KRT84: variants seen among roughly 807,000 people sequenced by gnomAD.
KRT84 encodes keratin 84.
In KRT84, 38 loss-of-function variants were observed where a neutral mutation model predicts 49.0. The ratio of observed to expected loss-of-function variants is 0.78; its 90% CI spans 0.60 to 1.02. The LOEUF (loss-of-function observed/expected upper bound fraction) is 1.02. Ranked by LOEUF, KRT84 falls within the 50% of genes least tolerant of loss-of-function variation. The pLI, the probability that KRT84 is intolerant of heterozygous loss-of-function variation, is 0.00. For missense variants in KRT84, 860 were observed against 788.6 expected (o/e 1.09, Z -1.08); for synonymous variants, 334 against 312.8 (o/e 1.07, Z -0.72).
Position 52,381,382 on chromosome 12 carries a change from A to T in KRT84, c.1056T>A (p.Ala352=). 1.2e-6 allele frequency: 2 copies of T among 1,614,178 alleles called. No individual in the cohort carries two copies. Among genetic ancestry groups the T allele is most frequent in the Non-Finnish European group, 1.7e-6 (2 of 1,180,038 alleles). Residue 352 remains alanine (A), a synonymous_variant, in exon 5 of 9, where the codon GCT becomes GCA. Transcript: ENST00000257951. ...EEVARRSRAD[A]EAWYQTKYEE... is the part of the protein sequence containing the mutation. ...CCACCTTGGTCTGGTACCAGGCCTCAGCATCAGCCCGGCTGCGCCTGGCCA... is the reference window on the plus strand; with the variant it reads ...CCACCTTGGTCTGGTACCAGGCCTCTGCATCAGCCCGGCTGCGCCTGGCCA...
In KRT84 at chr12:52,385,207, C is replaced by T. The variant is rs1457750495; in HGVS notation, c.379G>A (p.Gly127Arg). The change falls in exon 1 of 9, where the codon GGA (glycine) becomes AGA (arginine). Residue 127 changes from glycine (G) to arginine (R), a missense_variant. Gly to Arg is a moderately radical substitution (Grantham distance 125). Coordinates refer to ENST00000257951, the MANE Select transcript of KRT84 (RefSeq NM_033045.4). ...GGGGCTGCTGGGACTCCAACCCCTCCAACTCTGTAACCAAAGCCAGGGCCA... is the reference window on the plus strand; with the variant it reads ...GGGGCTGCTGGGACTCCAACCCCTCTAACTCTGTAACCAAAGCCAGGGCCA... ...FGGPGFGYRV[G>R]GVGVPAAPSI... 1 of 1,613,122 alleles carries T rather than the reference C, an allele frequency of 6.2e-7. No individual in the cohort carries two copies.
intron 8 of KRT84, 148 bp downstream of exon 8, chr12:52,379,728 C>A: frequency 1.5e-6 from 1 of 688,260 alleles, no homozygotes; most frequent in South Asian, 1.6e-5. Flanking sequence ...GAAGATGCTC[C>A]CCATCCAGGG....
rs17714629 is a variant in KRT84 at position 52,379,618 on chromosome 12, A to G, written c.1456+258T>C. 6.2e-3 allele frequency among the ~76,000 whole-genome samples: 946 copies of G among 152,346 alleles called. 7 individuals are homozygous for G. Among genetic ancestry groups the G allele is most frequent in the South Asian group, 0.026 (127 of 4,818 alleles). On this transcript the variant is annotated intron_variant, in intron 8 of 8. Transcript: ENST00000257951. ...CTTGAAGGACAAGGCCGCTCAAAGCAAAAAAGCTGGCTGTCCTCCACTTTG... is the reference window on the plus strand; with the variant it reads ...CTTGAAGGACAAGGCCGCTCAAAGCGAAAAAGCTGGCTGTCCTCCACTTTG...
At position 52,383,689 on chromosome 12, in the gene KRT84, G is replaced by T. The variant is rs79144256; in HGVS notation, c.656C>A (p.Thr219Asn). The change falls in exon 2 of 9, where the codon ACC becomes AAC. Residue 219 changes from threonine (T) to asparagine (N), a missense_variant. Thr to Asn is a moderately conservative substitution (Grantham distance 65). Transcript: ENST00000257951. ...NLEPLFESYITNLRRQLEVLV... is the reference protein window; with the variant it reads ...NLEPLFESYINNLRRQLEVLV... ...CACCTCCAACTGCCTCCGCAGGTTG[G>T]TGATGTAGCTCTCGAAGAGTGGCTC... The T allele has an allele frequency of 6.2e-7, 1 of 1,614,204 alleles. No individual in the cohort carries two copies. The highest frequency in any genetic ancestry group is 8.5e-7 in the Non-Finnish European group (1 of 1,180,022).
chr12:52,385,045 C>T lies in KRT84; in HGVS notation c.541G>A (p.Asp181Asn). 6.2e-7 allele frequency: 1 copy of T among 1,606,466 alleles called. No homozygotes were observed. The highest frequency in any genetic ancestry group is 1.1e-5 in the South Asian group (1 of 89,340). The stretch of plus-strand genomic sequence containing the variant: ...GATTCAGCTATCATAGGTACCTTGT[C>T]AATGAAGGAGGCAAACTTGTTGTTG... ...TLNNKFASFI[D>N]KVRFLEQQNK... Residue 181 changes from aspartate to asparagine, a missense_variant, in exon 1 of 9, where the codon GAC becomes AAC. Asp to Asn is a conservative substitution (Grantham distance 23). Transcript: ENST00000257951.
At chr12:52,385,890 C>CT (rs925487567), upstream of KRT84, among the ~76,000 whole-genome samples, 36 of 152,178 alleles carry the variant, frequency 2.4e-4, no homozygotes, top group Middle Eastern at 6.8e-3. Context: ...ACATTATAGT[C>CT]TTTTTTTTCC....
intron 1 of KRT84, among the ~76,000 whole-genome samples, chr12:52,384,096 G>A (rs1939534079): frequency 6.6e-6 from 1 of 152,224 alleles, no homozygotes; most frequent in Admixed American, 6.5e-5. Context: ...TGGAAGGGTT[G>A]ATTCTATTTA....
rs1351242048 is a variant in KRT84 at position 52,385,121 on chromosome 12, G to A, written c.465C>T (p.Asp155=). Residue 155 remains aspartate (D), a synonymous_variant, in exon 1 of 9, where the codon GAC becomes GAT. Coordinates refer to ENST00000257951, the MANE Select transcript of KRT84 (RefSeq NM_033045.4). ...SLLTPLNLEI[D]PNAQRVKKDE... ...CCTTCTTCACCCTCTGGGCATTGGG[G>A]TCAATCTCCAGGTTGAGGGGGGTCA... The A allele has an allele frequency of 1.9e-6, 3 of 1,599,600 alleles. No individual in the cohort carries two copies. The highest frequency in any genetic ancestry group is 1.1e-5 in the South Asian group (1 of 87,992).
rs773974440 is a variant in KRT84 at position 52,378,048 on chromosome 12, G to T, written c.1789C>A (p.Arg597=). 1 of 1,474,060 alleles carries T rather than the reference G, an allele frequency of 6.8e-7. No homozygotes were observed. Among genetic ancestry groups the T allele is most frequent in the Non-Finnish European group, 9.0e-7 (1 of 1,114,514 alleles). The allele number at this position is 1,474,060 out of a possible 1,614,324, so 91.3% of individuals were successfully genotyped here. A position where few individuals can be genotyped will look rare whatever the true frequency, so the allele number is the denominator to read the frequency against. The stretch of plus-strand genomic sequence containing the variant: ...GGGCTGGGCTCTCAGTACTTGGTCC[G>T]GCAGGAGGTGGTGGTGGACACAAAG... ...VRFVSTTTSC[R]TKY is the part of the protein sequence containing the mutation. The change falls in exon 9 of 9, where the codon CGG becomes AGG. Residue 597 remains arginine (R), a synonymous_variant. Transcript: ENST00000257951.
Position 52,377,988 on chromosome 12 carries a change from G to A in KRT84, c.*46C>T, listed in dbSNP as rs758410466. On this transcript the variant is annotated 3_prime_UTR_variant, in exon 9 of 9. Coordinates refer to ENST00000257951, the MANE Select transcript of KRT84 (RefSeq NM_033045.4). ...AACCCTGGGGGCAGAAGCAGGAGCC[G>A]TGGAGCTGGTTCTTCTCTGGGCAGC... 4.5e-5 allele frequency: 61 copies of A among 1,346,808 alleles called. No individual in the cohort carries two copies. Among genetic ancestry groups the A allele is most frequent in the South Asian group, 3.9e-4 (21 of 53,268 alleles). 83.4% of individuals were successfully genotyped at this position (1,346,808 alleles called of 1,614,324 possible). A position where few individuals can be genotyped will look rare whatever the true frequency, so the allele number is the denominator to read the frequency against.
At position 52,378,207 on chromosome 12, in the gene KRT84, C is replaced by A; in HGVS notation, c.1630G>T (p.Gly544Trp). 1.3e-6 allele frequency: 2 copies of A among 1,574,934 alleles called. No homozygotes were observed. Among genetic ancestry groups the A allele is most frequent in the East Asian group, 4.6e-5 (2 of 43,076 alleles). Residue 544 changes from glycine to tryptophan, a missense_variant, in exon 9 of 9, where the codon GGG becomes TGG. Physicochemically the swap from Gly to Trp is radical, Grantham distance 184. Transcript: ENST00000257951. ...LGGARVAPATGDLLSTGTRSG... is the reference protein window; with the variant it reads ...LGGARVAPATWDLLSTGTRSG... The stretch of plus-strand genomic sequence containing the variant: ...CTTGTGCCAGTGCTCAGCAGGTCCC[C>A]AGTGGCCGGGGCGACCCGGGCTCCA...
intron 8 of KRT84, 68 bp downstream of exon 8, chr12:52,379,808 T>G: frequency 4.4e-6 from 6 of 1,357,164 alleles, no homozygotes; most frequent in South Asian, 1.2e-5. Flanking sequence ...GACCCCAGTG[T>G]GAGCCTGAGT....
At chr12:52,379,775 A>T in intron 8 of KRT84, 101 bp downstream of exon 8, 3 of 934,568 alleles carry the variant, frequency 3.2e-6, no homozygotes, top group Non-Finnish European at 5.2e-6. Context: ...TCGTGGCCAG[A>T]CCGGCCATGT....
chr12:52,382,350 GA>G lies in KRT84; in HGVS notation c.912+86del. 3.4e-6 allele frequency: 3 copies of G among 877,970 alleles called. No homozygotes were observed. In the South Asian group the frequency reaches 4.3e-5, roughly 13 times the overall value. 54.4% of individuals were successfully genotyped at this position (877,970 alleles called of 1,614,324 possible). On this transcript the variant is annotated intron_variant, in intron 4 of 8. Coordinates refer to ENST00000257951, the MANE Select transcript of KRT84 (RefSeq NM_033045.4). ...GAAAGATATATGATAGCAAATGTTT[GA>G]AAATATGCTAGCCCAGGCTAAGCAT... is the stretch of plus-strand genomic sequence containing the variant.
chr12:52,380,363 C>T lies in KRT84; in HGVS notation c.1424G>A (p.Arg475Gln), dbSNP rs191761110. ...YRRLLEGEESRLCEGVGPVNI... is the reference protein window; with the variant it reads ...YRRLLEGEESQLCEGVGPVNI... Reference sequence around the variant, plus strand: ...CTCCTGCTGGACTGAGAGTACTCACCGGCTCTCCTCGCCCTCCAGCAGGCG... The same window carrying T: ...CTCCTGCTGGACTGAGAGTACTCACTGGCTCTCCTCGCCCTCCAGCAGGCG... The change falls in exon 7 of 9, where the codon CGG becomes CAG. Residue 475 changes from arginine to glutamine, a missense_variant and splice_region_variant. Transcript: ENST00000257951. 3.2e-5 allele frequency: 52 copies of T among 1,613,816 alleles called. No individual in the cohort carries two copies. In the East Asian group the frequency reaches 6.5e-4, roughly 20 times the overall value.
chr12:52,383,843 G>T (rs1186961506), intron 1 of KRT84, 45 bp from the exon 2 acceptor site: 5 of 1,517,486 alleles, frequency 3.3e-6, no homozygotes, highest in Admixed American at 1.7e-5. Flanking sequence ...TGCTTGATAG[G>T]GTTCATGCCT....
At chr12:52,382,336 G>A in intron 4 of KRT84, 101 bp downstream of exon 4, 1 of 768,808 alleles carries the variant, frequency 1.3e-6, no homozygotes, top group African/African-American at 1.7e-5. Flanking sequence ...AAAGATATAT[G>A]ATAGCAAATG....
rs1163407548 is a variant in KRT84 at position 52,382,978 on chromosome 12, T to A, written c.816+27A>T. The A allele has an allele frequency of 1.9e-6, 3 of 1,607,796 alleles. No homozygotes were observed. In the South Asian group the frequency reaches 3.3e-5, roughly 18 times the overall value. On this transcript the variant is annotated intron_variant, in intron 3 of 8. Coordinates refer to ENST00000257951, the MANE Select transcript of KRT84 (RefSeq NM_033045.4). ...AACATTTGCCGGTCCAGAGGAGAAG[T>A]TGGCCTGGTCTGTGGTTCCCCCTTA...
At chr12:52,378,627 T>C (rs1939428906) in intron 8 of KRT84, among the ~76,000 whole-genome samples, 1 of 152,240 alleles carries the variant, frequency 6.6e-6, no homozygotes, top group Admixed American at 6.5e-5. Flanking sequence ...ATTCCCCAGA[T>C]GTTTGCATGC....
Sources: gnomAD v4.1 joint callset for allele counts (sites outside exome capture counted in the v4.1 genomes callset) on GRCh38, gnomAD v4.1.1 for gene constraint, MANE v1.5 for transcripts, NCBI Gene and HGNC (gene_info 2026-07-23, HGNC 2026-07-21) for gene names.